Variants in ERC2 observed in about 807,000 individuals in gnomAD.
ERC2 encodes the protein ERC protein 2.
A neutral mutation model predicts 114.8 loss-of-function variants in ERC2; 42 were observed. The observed-to-expected ratio is 0.37, with a 90% confidence interval of 0.29 to 0.47. ERC2 has a LOEUF of 0.47. ERC2 is among the 20% of genes least tolerant of loss of function. The pLI is 0.99. For missense variants in ERC2, 939 were observed against 1,150.7 expected (o/e 0.82, Z 2.66); for synonymous variants, 454 against 425.5 (o/e 1.07, Z -0.82).
At chr3:55,912,006 C>A (rs1356201034) in intron 13 of ERC2, among the ~76,000 whole-genome samples, 1 of 152,104 alleles carries the variant, frequency 6.6e-6, no homozygotes, top group Non-Finnish European at 1.5e-5. Flanking sequence ...CAGCTGAAAC[C>A]CAAATGAACC....
chr3:56,442,022 T>A (rs1352121514), intron 1 of ERC2, among the ~76,000 whole-genome samples: 1 of 152,140 alleles, frequency 6.6e-6, no homozygotes, highest in East Asian at 1.9e-4. Context: ...AATTAATTAA[T>A]TAGTTAATTT....
At chr3:55,971,406 T>C (rs2069145027) in intron 12 of ERC2, among the ~76,000 whole-genome samples, 1 of 152,002 alleles carries the variant, frequency 6.6e-6, no homozygotes, top group African/African-American at 2.4e-5. Flanking sequence ...TATAAAAAAG[T>C]TTATAAAAAG....
At chr3:55,952,175 ACACACT>A (rs1253795365) in intron 12 of ERC2, among the ~76,000 whole-genome samples, 1,326 of 63,210 alleles carry the variant, frequency 0.021, 58 homozygotes, top group Middle Eastern at 0.031. Flanking sequence ...ACACACACAC[ACACACT>A]CTCTCTCTCT....
chr3:56,221,357 G>C (rs1462710060), intron 3 of ERC2, among the ~76,000 whole-genome samples: 1 of 142,264 alleles, frequency 7.0e-6, no homozygotes, highest in Non-Finnish European at 1.5e-5. Flanking sequence ...GAATTCAAGA[G>C]ATATTATTTC....
intron 15 of ERC2, among the ~76,000 whole-genome samples, chr3:55,729,710 C>T (rs1451788822): frequency 6.6e-6 from 1 of 151,610 alleles, no homozygotes; most frequent in African/African-American, 2.4e-5. Context: ...TGGTTGTGCA[C>T]AGCTGTAGTC....
intron 17 of ERC2, among the ~76,000 whole-genome samples, chr3:55,545,398 T>C (rs749181523): frequency 2.0e-5 from 3 of 152,190 alleles, no homozygotes; most frequent in Non-Finnish European, 2.9e-5. Context: ...CAGTGAACAC[T>C]GATGTCCTAC....
intron 17 of ERC2, among the ~76,000 whole-genome samples, chr3:55,519,232 C>A (rs1302537675): frequency 6.6e-6 from 1 of 152,154 alleles, no homozygotes; most frequent in Non-Finnish European, 1.5e-5. Context: ...ACTCCCACTC[C>A]CTGTCCTGCC....
intron 3 of ERC2, among the ~76,000 whole-genome samples, chr3:56,208,147 A>G (rs140390979): frequency 6.6e-6 from 1 of 152,290 alleles, no homozygotes; most frequent in Non-Finnish European, 1.5e-5. Flanking sequence ...CTTCAACCAG[A>G]TTTTCCAATC....
rs2060473249 is a variant in ERC2 at position 55,829,374 on chromosome 3, A to T, written c.2564+59015T>A. ...TATACAAATTTTTAAAAATTGTTGG[A>T]TATCTCAATAGCAGAATGGAAACGG... On this transcript the variant is annotated intron_variant, in intron 14 of 17. Transcript: ENST00000288221. 2.6e-5 allele frequency among the ~76,000 whole-genome samples: 4 copies of T among 152,226 alleles called. 1 individual carries two copies. The South Asian group carries it at 8.3e-4, about 32-fold the overall frequency.
At chr3:56,451,337 C>T (rs563999326) in intron 1 of ERC2, among the ~76,000 whole-genome samples, 85 of 151,176 alleles carry the variant, frequency 5.6e-4, no homozygotes, top group African/African-American at 1.8e-3. Context: ...TAATCACATA[C>T]GTGAGGAAAA....
chr3:55,851,483 A>T (rs1287607905), intron 14 of ERC2, among the ~76,000 whole-genome samples: 2 of 151,980 alleles, frequency 1.3e-5, no homozygotes, highest in East Asian at 1.9e-4. Context: ...AAATAACAAA[A>T]TTTTTTCTGG....
intron 3 of ERC2, among the ~76,000 whole-genome samples, chr3:56,213,176 G>A (rs1216936796): frequency 6.6e-6 from 1 of 152,200 alleles, no homozygotes; most frequent in Non-Finnish European, 1.5e-5. Context: ...GTGCAGGACA[G>A]TGGGTGCGGT....
intron 2 of ERC2, among the ~76,000 whole-genome samples, chr3:56,338,089 T>C (rs1356586237): frequency 6.6e-6 from 1 of 152,130 alleles, no homozygotes; most frequent in Non-Finnish European, 1.5e-5. Context: ...GAATGCATAC[T>C]TAGGTGGTAA....
rs1159292991 is a variant in ERC2, at chr3:55,906,980, G to C, written c.2404-18431C>G. On this transcript the variant is annotated intron_variant, in intron 13 of 17. Transcript: ENST00000288221. The stretch of plus-strand genomic sequence containing the variant: ...TCTGTAGTGATGGCCCAGATGATAG[G>C]GGTGCTTGCCTCCCAGTCTTCATCT... Among the ~76,000 whole-genome samples, 3 of 152,136 alleles carry C rather than the reference G, an allele frequency of 2.0e-5. No homozygotes were observed. The East Asian group carries it at 5.8e-4, about 29-fold the overall frequency.
intron 14 of ERC2, among the ~76,000 whole-genome samples, chr3:55,747,321 GA>G (rs2066370863): frequency 6.6e-6 from 1 of 151,786 alleles, no homozygotes; most frequent in African/African-American, 2.4e-5. Context: ...TTTTTTTAAA[GA>G]GGTCATTTAA....
intron 2 of ERC2, among the ~76,000 whole-genome samples, chr3:56,321,319 A>G (rs561802082): frequency 1.8e-3 from 275 of 152,340 alleles, no homozygotes; most frequent in African/African-American, 6.2e-3. Context: ...TATAACTTCC[A>G]TATCTGTAGG....
intron 17 of ERC2, among the ~76,000 whole-genome samples, chr3:55,680,165 T>C (rs1167460189): frequency 6.6e-6 from 1 of 152,252 alleles, no homozygotes; most frequent in Non-Finnish European, 1.5e-5. Flanking sequence ...CATCACAGCC[T>C]CATGCCAAAA....
At chr3:55,872,115 T>C (rs756819573) in intron 14 of ERC2, among the ~76,000 whole-genome samples, 1 of 152,180 alleles carries the variant, frequency 6.6e-6, no homozygotes, top group Non-Finnish European at 1.5e-5. Context: ...GGGTTCACTT[T>C]ACTTTAGTAT....
intron 12 of ERC2, among the ~76,000 whole-genome samples, chr3:55,952,168 C>T (rs1354517157): frequency 0.13 from 8,855 of 68,664 alleles, 1,221 homozygotes; most frequent in Middle Eastern, 0.21. Context: ...CACACACACA[C>T]ACACACACAC....
Sources: gnomAD v4.1 joint callset for allele counts (sites outside exome capture counted in the v4.1 genomes callset) on GRCh38, gnomAD v4.1.1 for gene constraint, MANE v1.5 for transcripts, NCBI Gene and HGNC (gene_info 2026-07-23, HGNC 2026-07-21) for gene names.